TMOD1: variants seen among roughly 807,000 people sequenced by gnomAD.
TMOD1 encodes the protein tropomodulin-1.
Under a neutral mutation model 40.6 loss-of-function variants are expected in TMOD1, and 17 were observed. That is an observed-to-expected ratio of 0.42 (90% confidence interval 0.29 to 0.63). TMOD1 has a LOEUF of 0.63. TMOD1 is among the 20% of genes least tolerant of loss of function. The pLI is 0.22. For missense variants in TMOD1, 391 were observed against 447.6 expected (o/e 0.87, Z 1.14); for synonymous variants, 181 against 175.0 (o/e 1.03, Z -0.27).
intron 8 of TMOD1, among the ~76,000 whole-genome samples, chr9:97,578,116 C>T (rs374545211): frequency 2.6e-4 from 39 of 152,246 alleles, no homozygotes; most frequent in Middle Eastern, 3.4e-3. Flanking sequence ...AGTACAGTGG[C>T]ATGATCTCAG....
chr9:97,518,021 C>G (rs1417534626), intron 1 of TMOD1, among the ~76,000 whole-genome samples: 1 of 152,220 alleles, frequency 6.6e-6, no homozygotes, highest in African/African-American at 2.4e-5. Context: ...TCTCATCCCC[C>G]ATCGCCTCAG....
intron 8 of TMOD1, among the ~76,000 whole-genome samples, chr9:97,573,692 A>G (rs1347844004): frequency 6.6e-6 from 1 of 152,164 alleles, no homozygotes; most frequent in African/African-American, 2.4e-5. Context: ...CAGCGTGGGC[A>G]GGAGACCTCA....
intron 8 of TMOD1, among the ~76,000 whole-genome samples, chr9:97,586,750 T>A (rs1010697849): frequency 6.6e-6 from 1 of 152,112 alleles, no homozygotes; most frequent in Non-Finnish European, 1.5e-5. Flanking sequence ...AGTATTCGGG[T>A]GGGAGTGACC....
intron 1 of TMOD1, among the ~76,000 whole-genome samples, chr9:97,508,730 G>A (rs898960905): frequency 6.6e-6 from 1 of 152,072 alleles, no homozygotes; most frequent in Non-Finnish European, 1.5e-5. Context: ...GTACTTACTG[G>A]GTTAAACAGG....
chr9:97,541,891 T>A (rs1830281017), intron 2 of TMOD1, among the ~76,000 whole-genome samples: 1 of 152,212 alleles, frequency 6.6e-6, no homozygotes, highest in Non-Finnish European at 1.5e-5. Context: ...ATGAAACTCT[T>A]ATGAGATACA....
chr9:97,526,206 G>A (rs953399138), intron 2 of TMOD1, among the ~76,000 whole-genome samples: 7 of 152,346 alleles, frequency 4.6e-5, no homozygotes, highest in African/African-American at 1.7e-4. Context: ...GAATGAATGA[G>A]CTGAGAAATA....
chr9:97,533,719 G>A lies in TMOD1; in HGVS notation c.120+9411G>A, dbSNP rs182028846. Among the ~76,000 whole-genome samples the A allele has an allele frequency of 2.6e-4, 39 of 152,314 alleles. 1 individual carries two copies. In the East Asian group the frequency reaches 7.1e-3, roughly 28 times the overall value. ...CTGGACCCTCATTTTACAGATGGGG[G>A]ATCCAAAACCAGAGAGCACCAGTGC... is the stretch of plus-strand genomic sequence containing the variant. On this transcript the variant is annotated intron_variant, in intron 2 of 9. Transcript: ENST00000259365.
intron 1 of TMOD1, among the ~76,000 whole-genome samples, chr9:97,510,169 T>C (rs972292442): frequency 1.3e-5 from 2 of 152,160 alleles, no homozygotes; most frequent in Non-Finnish European, 2.9e-5. Context: ...GGCTATGTGA[T>C]GAAGTTCATG....
At chr9:97,567,999 T>C (rs1286521035) in intron 7 of TMOD1, among the ~76,000 whole-genome samples, 1 of 151,940 alleles carries the variant, frequency 6.6e-6, no homozygotes, top group African/African-American at 2.4e-5. Context: ...CTTCAGAGGC[T>C]CTGATTGTCA....
chr9:97,522,640 C>A (rs984083533), intron 1 of TMOD1, among the ~76,000 whole-genome samples: 1 of 152,184 alleles, frequency 6.6e-6, no homozygotes, highest in Non-Finnish European at 1.5e-5. Context: ...TGGCTCACTG[C>A]AGCCTCGACC....
intron 1 of TMOD1, among the ~76,000 whole-genome samples, chr9:97,508,563 T>C (rs970481318): frequency 1.3e-5 from 2 of 152,212 alleles, no homozygotes; most frequent in Non-Finnish European, 2.9e-5. Flanking sequence ...TTAGTTCTTA[T>C]ATGTAAAATG....
At chr9:97,593,253 G>C (rs559870982) in intron 9 of TMOD1, among the ~76,000 whole-genome samples, 2 of 152,154 alleles carry the variant, frequency 1.3e-5, no homozygotes, top group Non-Finnish European at 2.9e-5. Flanking sequence ...AGGTGCTGCA[G>C]GGGGATACCA....
At chr9:97,574,614 A>T (rs996588372) in intron 8 of TMOD1, among the ~76,000 whole-genome samples, 4 of 152,262 alleles carry the variant, frequency 2.6e-5, no homozygotes, top group Non-Finnish European at 5.9e-5. Context: ...TGCAGGATCC[A>T]CTGGGTGAAG....
intron 2 of TMOD1, among the ~76,000 whole-genome samples, chr9:97,544,757 C>T (rs1159370839): frequency 1.3e-5 from 2 of 151,992 alleles, no homozygotes; most frequent in Non-Finnish European, 2.9e-5. Context: ...ACGGTAATCC[C>T]AGCACTTTGG....
intron 3 of TMOD1, among the ~76,000 whole-genome samples, chr9:97,546,695 G>A (rs553999645): frequency 2.6e-5 from 4 of 152,176 alleles, no homozygotes; most frequent in East Asian, 1.9e-4. Context: ...TTGGGAGACC[G>A]AGGCAGGCAG....
chr9:97,561,172 T>C (rs1202031168), intron 4 of TMOD1, among the ~76,000 whole-genome samples: 1 of 152,224 alleles, frequency 6.6e-6, no homozygotes, highest in Non-Finnish European at 1.5e-5. Flanking sequence ...TAGTGAGTTC[T>C]CAACACAATA....
chr9:97,562,778 G>A lies in TMOD1; in HGVS notation c.444G>A (p.Gln148=), dbSNP rs1305509506. The A allele has an allele frequency of 1.1e-5, 18 of 1,584,890 alleles. No homozygotes were observed. The highest frequency in any genetic ancestry group is 1.4e-5 in the Non-Finnish European group (16 of 1,168,894). Residue 148 remains glutamine, a synonymous_variant, in exon 5 of 10, where the codon CAG becomes CAA. Transcript: ENST00000259365. ...TCATGAGTAACCAGCAGTACTACCA[G>A]GCCCTGAGCAGCAGCTCCATCATGA... ...HTLMSNQQYY[Q]ALSSSSIMNK... is the part of the protein sequence containing the mutation.
intron 1 of TMOD1, among the ~76,000 whole-genome samples, chr9:97,520,942 G>C (rs1040559327): frequency 2.0e-5 from 3 of 152,150 alleles, no homozygotes; most frequent in African/African-American, 7.2e-5. Context: ...CCTCGGCCTG[G>C]CTGGTCCATT....
chr9:97,510,993 T>C (rs1458193434), intron 1 of TMOD1, among the ~76,000 whole-genome samples: 15 of 151,958 alleles, frequency 9.9e-5, no homozygotes, highest in Non-Finnish European at 5.9e-5. Context: ...ACCCTGTTGC[T>C]TACAGATGAT....
Sources: allele counts gnomAD v4.1 joint callset (sites outside exome capture counted in the v4.1 genomes callset), GRCh38; gene constraint gnomAD v4.1.1; transcripts MANE v1.5; gene names NCBI Gene and HGNC (gene_info 2026-07-23, HGNC 2026-07-21).